The following DMD variants were observed in gnomAD, a reference collection of about 807,000 sequenced individuals.
DMD encodes the protein dystrophin.
A neutral mutation model predicts 330.1 loss-of-function variants in DMD; 63 were observed. The ratio of observed to expected loss-of-function variants is 0.19; its 90% CI spans 0.16 to 0.24. DMD has a LOEUF of 0.24. Ranked by LOEUF, DMD falls within the 10% of genes least tolerant of loss-of-function variation. The pLI is 1.00. For synonymous variants in DMD, 1,223 were observed against 959.8 expected (o/e 1.27, Z -5.07); for missense variants, 3,344 against 2,684.1 (o/e 1.25, Z -5.43).
Position 32,388,607 on chromosome X carries a change from T to C in DMD, c.4518+894A>G, listed in dbSNP as rs187948907. On this transcript the variant is annotated intron_variant, in intron 32 of 78. Coordinates refer to ENST00000357033, the MANE Select transcript of DMD (RefSeq NM_004006.3). The stretch of plus-strand genomic sequence containing the variant: ...AAAAAGAAAAATATTTCCCCATTCA[T>C]GATATGACTACGATGTATCTGAAGG... Among the ~76,000 whole-genome samples the C allele has an allele frequency of 2.4e-4, 27 of 110,764 alleles. No individual in the cohort carries two copies. In the East Asian group the frequency reaches 7.6e-3, roughly 31 times the overall value.
At chrX:31,605,034 G>C (rs1159055724) in intron 55 of DMD, among the ~76,000 whole-genome samples, 1 of 111,856 alleles carries the variant, frequency 8.9e-6, no homozygotes, top group African/African-American at 3.2e-5. Flanking sequence ...ACAGAAATGA[G>C]AAAATGTACA....
intron 23 of DMD, among the ~76,000 whole-genome samples, chrX:32,466,139 A>C (rs1385663367): frequency 9.0e-6 from 1 of 111,411 alleles, no homozygotes; most frequent in Admixed American, 9.6e-5. Flanking sequence ...TCAGATTGTA[A>C]AACATAGCAT....
intron 9 of DMD, among the ~76,000 whole-genome samples, chrX:32,664,954 G>A (rs1224074466): frequency 8.9e-6 from 1 of 111,749 alleles, no homozygotes; most frequent in Non-Finnish European, 1.9e-5. Context: ...CAAAGCAGAT[G>A]CTAGAAAAAC....
chrX:33,186,918 G>A (rs1355902341), intron 1 of DMD, among the ~76,000 whole-genome samples: 1 of 111,778 alleles, frequency 8.9e-6, no homozygotes, highest in Non-Finnish European at 1.9e-5. Flanking sequence ...GTCACCTCCT[G>A]TTCACAACAT....
intron 1 of DMD, among the ~76,000 whole-genome samples, chrX:33,068,406 G>A (rs374258667): frequency 1.8e-5 from 2 of 112,002 alleles, no homozygotes; most frequent in African/African-American, 3.2e-5. Flanking sequence ...CAGTGACAGC[G>A]GAGGAGGTAT....
intron 34 of DMD, among the ~76,000 whole-genome samples, chrX:32,376,179 G>A (rs112187606): frequency 0.02 from 2,215 of 111,553 alleles, 53 homozygotes; most frequent in African/African-American, 0.067. Context: ...TACCCGGGAG[G>A]CTGGGGCAGG....
intron 55 of DMD, 129 bp downstream of exon 55, chrX:31,627,544 A>G (rs2078910469): frequency 3.0e-6 from 2 of 663,967 alleles, no homozygotes; most frequent in Admixed American, 5.3e-5. Flanking sequence ...TTGTCCAAAT[A>G]CCGAAATACA....
chrX:32,220,691 T>G (rs1228645659), intron 43 of DMD, among the ~76,000 whole-genome samples: 1 of 111,083 alleles, frequency 9.0e-6, no homozygotes, highest in Non-Finnish European at 1.9e-5. Flanking sequence ...ATTTACCAAT[T>G]TAATATCTAA....
At chrX:32,620,838 T>C (rs912297723) in intron 11 of DMD, among the ~76,000 whole-genome samples, 77 of 112,090 alleles carry the variant, frequency 6.9e-4, no homozygotes, top group African/African-American at 4.9e-4. Flanking sequence ...TATACATTCC[T>C]GAGGGAGTAA....
chrX:31,471,690 A>G (rs2067314254), intron 59 of DMD, among the ~76,000 whole-genome samples: 1 of 112,510 alleles, frequency 8.9e-6, no homozygotes, highest in South Asian at 3.6e-4. Flanking sequence ...TTCTATTGAA[A>G]AGCTACTGAA....
At chrX:31,212,891 A>G (rs1327761803) in intron 64 of DMD, among the ~76,000 whole-genome samples, 3 of 112,491 alleles carry the variant, frequency 2.7e-5, no homozygotes, top group Non-Finnish European at 5.6e-5. Context: ...CAGAAGCACC[A>G]AAAAGTTGGT....
At chrX:32,233,599 TTTTATTTATTTATTTA>T (rs767364915) in intron 43 of DMD, among the ~76,000 whole-genome samples, 23 of 87,936 alleles carry the variant, frequency 2.6e-4, no homozygotes, top group South Asian at 1.6e-3. Context: ...TTTCTTTTTC[TTTTATTTATTTATTTA>T]TTTATTTATT....
chrX:32,320,185 T>G (rs1022011630), intron 41 of DMD, among the ~76,000 whole-genome samples: 1 of 111,329 alleles, frequency 9.0e-6, no homozygotes. Context: ...ACTCACACTT[T>G]TATTTCTATA....
chrX:32,324,435 C>T (rs1186458856), intron 41 of DMD, among the ~76,000 whole-genome samples: 2 of 110,410 alleles, frequency 1.8e-5, no homozygotes, highest in Non-Finnish European at 3.8e-5. Flanking sequence ...CATAAAAATA[C>T]AAGGTCACAA....
At chrX:32,457,135 A>C (rs2098363598) in intron 25 of DMD, among the ~76,000 whole-genome samples, 1 of 109,684 alleles carries the variant, frequency 9.1e-6, no homozygotes, top group Middle Eastern at 4.3e-3. Flanking sequence ...AGAACCACCA[A>C]GGATATTGAC....
intron 1 of DMD, among the ~76,000 whole-genome samples, chrX:33,160,176 G>A (rs191830699): frequency 8.9e-6 from 1 of 112,125 alleles, no homozygotes; most frequent in African/African-American, 3.2e-5. Context: ...GATTAAGGTA[G>A]GCTAGTCTAA....
At chrX:31,469,034 G>T (rs1290499952) in intron 59 of DMD, among the ~76,000 whole-genome samples, 1 of 108,829 alleles carries the variant, frequency 9.2e-6, no homozygotes, top group Non-Finnish European at 1.9e-5. Flanking sequence ...AATATTCATC[G>T]ATCCCTTTAT....
intron 48 of DMD, among the ~76,000 whole-genome samples, chrX:31,846,788 T>C (rs2093434769): frequency 4.5e-5 from 5 of 111,743 alleles, no homozygotes; most frequent in Admixed American, 2.9e-4. Context: ...TCATGAAGAA[T>C]AGATACCACT....
chrX:32,570,900 T>C (rs1456059625), intron 15 of DMD, among the ~76,000 whole-genome samples: 3 of 111,968 alleles, frequency 2.7e-5, no homozygotes, highest in Non-Finnish European at 5.6e-5. Flanking sequence ...GCAGGAACTT[T>C]GACTAGATAT....
Sources: gnomAD v4.1 joint callset for allele counts (sites outside exome capture counted in the v4.1 genomes callset) on GRCh38, gnomAD v4.1.1 for gene constraint, MANE v1.5 for transcripts, NCBI Gene and HGNC (gene_info 2026-07-23, HGNC 2026-07-21) for gene names.